The following NTM variants were observed in gnomAD, a reference collection of about 807,000 sequenced individuals.
The protein encoded by NTM is neurotrimin.
NTM carries 13 observed loss-of-function variants against 42.1 expected under a neutral mutation model. The observed-to-expected ratio is 0.31, with a 90% CI of 0.20 to 0.49. The LOEUF (loss-of-function observed/expected upper bound fraction) is 0.49. NTM is among the 20% of genes least tolerant of loss of function. The probability of loss-of-function intolerance (pLI) is 0.99; values close to 1 mark genes in which losing one functional copy is unlikely to be tolerated. For missense variants in NTM, 373 were observed against 452.8 expected, an observed-to-expected ratio of 0.82 and a Z score of 1.60; for synonymous variants, 187 against 179.2, an observed-to-expected ratio of 1.04 and a Z score of -0.35.
At chr11:131,945,953 C>T (rs1457880921) in intron 2 of NTM, among the ~76,000 whole-genome samples, 7 of 152,104 alleles carry the variant, frequency 4.6e-5, no homozygotes, top group Non-Finnish European at 7.3e-5. Flanking sequence ...ATGCCTGGTC[C>T]GTAGCAGGGT....
intron 1 of NTM, among the ~76,000 whole-genome samples, chr11:131,400,986 C>T (rs1945073301): frequency 1.7e-4 from 1 of 6,004 alleles, no homozygotes; most frequent in Non-Finnish European, 7.6e-4. Context: ...CTGCCACACA[C>T]ACACACACAC....
intron 3 of NTM, among the ~76,000 whole-genome samples, chr11:132,195,500 G>T (rs555061252): frequency 6.8e-6 from 1 of 147,378 alleles, no homozygotes; most frequent in South Asian, 2.1e-4. Flanking sequence ...TATAGCCAAA[G>T]CAATCCTAAG....
At chr11:131,590,976 C>T (rs1474219552) in intron 1 of NTM, among the ~76,000 whole-genome samples, 1 of 152,138 alleles carries the variant, frequency 6.6e-6, no homozygotes, top group East Asian at 1.9e-4. Context: ...GACTGCACTC[C>T]CAGGAGAAGG....
At chr11:131,602,419 G>T (rs2137434514) in intron 1 of NTM, among the ~76,000 whole-genome samples, 1 of 152,270 alleles carries the variant, frequency 6.6e-6, no homozygotes, top group African/African-American at 2.4e-5. Flanking sequence ...TTCTCAAAAA[G>T]TCGGTCTCCT....
intron 4 of NTM, among the ~76,000 whole-genome samples, chr11:132,223,241 G>A (rs1018512331): frequency 6.6e-6 from 1 of 152,162 alleles, no homozygotes; most frequent in East Asian, 1.9e-4. Flanking sequence ...TGGCCTCTCA[G>A]AACTTGTATG....
intron 2 of NTM, among the ~76,000 whole-genome samples, chr11:131,921,199 T>A (rs545669019): frequency 6.6e-6 from 1 of 152,340 alleles, no homozygotes; most frequent in East Asian, 1.9e-4. Context: ...TGACTTTATT[T>A]GTAAATATGG....
At chr11:132,113,352 A>C (rs1312956902) in intron 2 of NTM, among the ~76,000 whole-genome samples, 1 of 152,216 alleles carries the variant, frequency 6.6e-6, no homozygotes, top group Non-Finnish European at 1.5e-5. Flanking sequence ...TTTCATCCAG[A>C]GATCACAAAG....
rs139348830 is a variant in NTM at position 132,302,025 on chromosome 11, G to A, written c.527-5664G>A. Among the ~76,000 whole-genome samples the A allele has an allele frequency of 5.3e-3, 812 of 152,178 alleles. 4 individuals are homozygous for A. Among genetic ancestry groups the A allele is most frequent in the Admixed American group, 0.012 (177 of 15,278 alleles). On this transcript the variant is annotated intron_variant, in intron 4 of 8. Transcript: ENST00000683400. Reference sequence around the variant, plus strand: ...CCCAATCTATGAAGTCAGAAATGTGGGATTTTCTTTTCCAAAGGGATGTTA... The same window carrying A: ...CCCAATCTATGAAGTCAGAAATGTGAGATTTTCTTTTCCAAAGGGATGTTA...
chr11:131,479,832 G>A (rs1465122941), intron 1 of NTM, among the ~76,000 whole-genome samples: 2 of 152,144 alleles, frequency 1.3e-5, no homozygotes, highest in African/African-American at 4.8e-5. Flanking sequence ...GCACTCAGCT[G>A]CATGCTGAAT....
At chr11:131,892,037 T>C (rs545807963) in intron 1 of NTM, among the ~76,000 whole-genome samples, 1 of 152,322 alleles carries the variant, frequency 6.6e-6, no homozygotes, top group African/African-American at 2.4e-5. Flanking sequence ...AATACACTGA[T>C]TTGGAGTTAG....
At chr11:131,750,054 C>T (rs1180900220) in intron 1 of NTM, among the ~76,000 whole-genome samples, 2 of 152,142 alleles carry the variant, frequency 1.3e-5, no homozygotes, top group Admixed American at 6.5e-5. Flanking sequence ...ACCCTGTGAG[C>T]CTTGGGTTTC....
At chr11:132,006,062 A>G (rs1376486123) in intron 2 of NTM, among the ~76,000 whole-genome samples, 2 of 152,082 alleles carry the variant, frequency 1.3e-5, no homozygotes, top group Non-Finnish European at 2.9e-5. Flanking sequence ...CCTTCCCCTC[A>G]TCTGATTAGG....
intron 1 of NTM, among the ~76,000 whole-genome samples, chr11:131,485,351 T>C (rs1162259306): frequency 6.6e-6 from 1 of 152,188 alleles, no homozygotes; most frequent in Non-Finnish European, 1.5e-5. Flanking sequence ...GCAATGGAGA[T>C]GCGAGAGAGG....
At chr11:131,944,962 T>G (rs1565794934) in intron 2 of NTM, among the ~76,000 whole-genome samples, 1 of 152,202 alleles carries the variant, frequency 6.6e-6, no homozygotes. Flanking sequence ...TGTGTAAGGA[T>G]AAAACCCAGC....
chr11:131,455,676 G>C (rs371113274), intron 1 of NTM, among the ~76,000 whole-genome samples: 1 of 152,146 alleles, frequency 6.6e-6, no homozygotes, highest in Non-Finnish European at 1.5e-5. Context: ...TGTATTATAC[G>C]AGGGGTCTGG....
At chr11:132,023,160 C>T (rs895764733) in intron 2 of NTM, among the ~76,000 whole-genome samples, 4 of 152,206 alleles carry the variant, frequency 2.6e-5, no homozygotes, top group African/African-American at 2.4e-5. Context: ...ACCCTAGTCA[C>T]GTGCTGCCGC....
chr11:132,170,820 G>A lies in NTM; in HGVS notation c.400+24306G>A, dbSNP rs1003419072. The stretch of plus-strand genomic sequence containing the variant: ...CAACTATTTACTAAACGCTTATTCT[G>A]TGTCAGGCACCGTGGCAAGTGTTGG... On this transcript the variant is annotated intron_variant, in intron 3 of 8. Transcript: ENST00000683400. 4.6e-5 allele frequency among the ~76,000 whole-genome samples: 7 copies of A among 152,166 alleles called. 1 individual carries two copies. The highest frequency in any genetic ancestry group is 4.6e-4 in the Admixed American group (7 of 15,278).
At chr11:131,795,088 C>T (rs1356104742) in intron 1 of NTM, 1 of 594,238 alleles carries the variant, frequency 1.7e-6, no homozygotes, top group African/African-American at 2.0e-5. Flanking sequence ...TTAAACTGTT[C>T]ACATCTTGTT....
intron 1 of NTM, among the ~76,000 whole-genome samples, chr11:131,570,052 G>T (rs2057306599): frequency 6.6e-6 from 1 of 152,160 alleles, no homozygotes; most frequent in South Asian, 2.1e-4. Context: ...TTTAATTTCT[G>T]CATTCTTCCC....
Sources: allele counts gnomAD v4.1 joint callset (sites outside exome capture counted in the v4.1 genomes callset), GRCh38; gene constraint gnomAD v4.1.1; transcripts MANE v1.5; gene names NCBI Gene and HGNC (gene_info 2026-07-23, HGNC 2026-07-21).